The following GRIK4 variants were observed in gnomAD, a reference collection of about 807,000 sequenced individuals.
GRIK4 encodes glutamate ionotropic receptor kainate type subunit 4, also known as glutamate receptor ionotropic, kainate 4.
In GRIK4, 40 loss-of-function variants were observed where a neutral mutation model predicts 104.9. The observed-to-expected ratio is 0.38, with a 90% CI of 0.30 to 0.50. The LOEUF (loss-of-function observed/expected upper bound fraction) is 0.50. Among genes scored for constraint, GRIK4 ranks in the 20% least tolerant of loss-of-function variants. GRIK4 has a pLI of 0.93. For missense variants in GRIK4, 1,047 were observed against 1,308.1 expected, an observed-to-expected ratio of 0.80 and a Z score of 3.08; for synonymous variants, 485 against 524.9, an observed-to-expected ratio of 0.92 and a Z score of 1.04.
chr11:120,909,714 A>G (rs961035608), intron 13 of GRIK4, among the ~76,000 whole-genome samples: 5 of 152,232 alleles, frequency 3.3e-5, no homozygotes, highest in Admixed American at 6.5e-5. Context: ...GGGTTGACCA[A>G]GGAATCTCTT....
intron 13 of GRIK4, among the ~76,000 whole-genome samples, chr11:120,931,580 C>G (rs1226431422): frequency 6.6e-6 from 1 of 152,158 alleles, no homozygotes; most frequent in Non-Finnish European, 1.5e-5. Flanking sequence ...GGCTCTGCCA[C>G]TTACTTGCTG....
chr11:120,736,993 A>G (rs972831188), intron 3 of GRIK4, among the ~76,000 whole-genome samples: 7 of 152,220 alleles, frequency 4.6e-5, no homozygotes, highest in African/African-American at 1.4e-4. Flanking sequence ...TTAGAAGCCA[A>G]CGTAAGAGGA....
At chr11:120,628,506 C>G (rs910851808) in intron 1 of GRIK4, among the ~76,000 whole-genome samples, 1 of 152,132 alleles carries the variant, frequency 6.6e-6, no homozygotes, top group Non-Finnish European at 1.5e-5. Flanking sequence ...TTGTAGATCC[C>G]CTGAAGCCAG....
At chr11:120,581,183 A>G (rs1415877809) in intron 1 of GRIK4, among the ~76,000 whole-genome samples, 1 of 152,190 alleles carries the variant, frequency 6.6e-6, no homozygotes, top group Non-Finnish European at 1.5e-5. Flanking sequence ...GAGATTTGCA[A>G]ATAATTTCTC....
chr11:120,736,174 C>T (rs897527264), intron 3 of GRIK4, among the ~76,000 whole-genome samples: 2 of 152,088 alleles, frequency 1.3e-5, no homozygotes, highest in Non-Finnish European at 2.9e-5. Context: ...GGACTGGGTC[C>T]TTCCCTTCAA....
intron 15 of GRIK4, among the ~76,000 whole-genome samples, chr11:120,954,585 G>A (rs935079764): frequency 6.6e-6 from 1 of 151,984 alleles, no homozygotes; most frequent in African/African-American, 2.4e-5. Context: ...AAAAGTCTTG[G>A]GGTTTGGAGA....
chr11:120,855,618 G>A lies in GRIK4; in HGVS notation c.745-6341G>A, dbSNP rs557033550. 1.1e-4 allele frequency among the ~76,000 whole-genome samples: 17 copies of A among 151,468 alleles called. No individual in the cohort carries two copies. The East Asian group carries it at 3.1e-3, about 28-fold the overall frequency. On this transcript the variant is annotated intron_variant, in intron 8 of 20. Transcript: ENST00000527524. ...CTGTTGCCCAGGCTGGAGTGCAGTG[G>A]CACCATCTTGGCTCACTGCGACTCT...
At chr11:120,744,287 T>C (rs1213728772) in intron 3 of GRIK4, among the ~76,000 whole-genome samples, 4 of 152,122 alleles carry the variant, frequency 2.6e-5, no homozygotes, top group African/African-American at 9.7e-5. Flanking sequence ...CTGGAAACAG[T>C]GTGGGGCTCA....
At chr11:120,878,417 G>A (rs529402542) in intron 11 of GRIK4, among the ~76,000 whole-genome samples, 1 of 152,176 alleles carries the variant, frequency 6.6e-6, no homozygotes, top group Admixed American at 6.5e-5. Context: ...GAGTGTTCGT[G>A]AACTGCAGCC....
intron 1 of GRIK4, among the ~76,000 whole-genome samples, chr11:120,562,550 G>A (rs1398911445): frequency 6.6e-6 from 1 of 152,200 alleles, no homozygotes; most frequent in Non-Finnish European, 1.5e-5. Context: ...TGGGGGCTGG[G>A]GAAGAGCTTG....
At chr11:120,683,344 AG>A (rs1950227167) in intron 3 of GRIK4, among the ~76,000 whole-genome samples, 1 of 152,206 alleles carries the variant, frequency 6.6e-6, no homozygotes, top group East Asian at 1.9e-4. Flanking sequence ...ATGACCAAGT[AG>A]GTAGCCAAAG....
rs767798535 is a variant in GRIK4 at position 120,555,981 on chromosome 11, T to C, written c.-159+44094T>C. Among the ~76,000 whole-genome samples, 1 of 152,218 alleles carries C rather than the reference T, an allele frequency of 6.6e-6. No homozygotes were observed. Among genetic ancestry groups the C allele is most frequent in the Non-Finnish European group, 1.5e-5 (1 of 68,044 alleles). On this transcript the variant is annotated intron_variant, in intron 1 of 20. Coordinates refer to ENST00000527524, the MANE Select transcript of GRIK4 (RefSeq NM_014619.5). This position sits in a 1 kb window ranked among gnomAD's most constrained non-coding sequence, Gnocchi z 5.3. ...TTTACTTACATGTTAGACTGTCGGC[T>C]ACTTGAAACCAGTTCTTCTCATGGA... is the stretch of plus-strand genomic sequence containing the variant.
chr11:120,898,899 G>A (rs1942658466), intron 12 of GRIK4, among the ~76,000 whole-genome samples: 1 of 152,154 alleles, frequency 6.6e-6, no homozygotes, highest in South Asian at 2.1e-4. Flanking sequence ...TGTCAGCTGG[G>A]GCAACTGTGC....
At chr11:120,852,739 G>A (rs1261933258) in intron 8 of GRIK4, among the ~76,000 whole-genome samples, 2 of 152,212 alleles carry the variant, frequency 1.3e-5, no homozygotes. Flanking sequence ...AGACAGACGG[G>A]TACCGCAGTC....
chr11:120,852,770 G>A (rs1455954562), intron 8 of GRIK4, among the ~76,000 whole-genome samples: 1 of 152,208 alleles, frequency 6.6e-6, no homozygotes, highest in Non-Finnish European at 1.5e-5. Context: ...AGGAGGGAAG[G>A]AGAGGATGTA....
chr11:120,692,978 C>A (rs771770277), intron 3 of GRIK4, among the ~76,000 whole-genome samples: 1 of 150,922 alleles, frequency 6.6e-6, no homozygotes, highest in Non-Finnish European at 1.5e-5. Context: ...GTCATCCACC[C>A]ACCTTGGCCT....
chr11:120,546,486 G>T (rs1019602738), intron 1 of GRIK4, among the ~76,000 whole-genome samples: 1 of 152,200 alleles, frequency 6.6e-6, no homozygotes, highest in East Asian at 1.9e-4. Flanking sequence ...CATGGTTTCT[G>T]TGCCTGCCCC....
chr11:120,694,388 G>C (rs945150106), intron 3 of GRIK4, among the ~76,000 whole-genome samples: 3 of 152,196 alleles, frequency 2.0e-5, no homozygotes, highest in African/African-American at 4.8e-5. Context: ...GAACAGATCA[G>C]TGGTCTCCAA....
At chr11:120,946,614 T>C (rs1479360547) in intron 14 of GRIK4, among the ~76,000 whole-genome samples, 1 of 152,228 alleles carries the variant, frequency 6.6e-6, no homozygotes, top group Non-Finnish European at 1.5e-5. Context: ...TCCTAATTTA[T>C]AAAGCACTTC....
Sources: gnomAD v4.1 joint callset for allele counts (sites outside exome capture counted in the v4.1 genomes callset) on GRCh38, gnomAD v4.1.1 for gene constraint, Gnocchi (gnomAD v3.1) non-coding constraint, MANE v1.5 for transcripts, NCBI Gene and HGNC (gene_info 2026-07-23, HGNC 2026-07-21) for gene names.